Variants in CDH13 observed in about 807,000 individuals in gnomAD.
CDH13 encodes cadherin 13, also known as cadherin-13.
CDH13 carries 24 observed loss-of-function variants against 63.8 expected under a neutral mutation model. The ratio of observed to expected loss-of-function variants is 0.38; its 90% CI spans 0.27 to 0.53. The LOEUF (loss-of-function observed/expected upper bound fraction) is 0.53, where lower values mean the gene tolerates loss of function less well. Ranked by LOEUF, CDH13 falls within the 20% of genes least tolerant of loss-of-function variation. CDH13 has a pLI of 0.85. For missense variants in CDH13, 1,049 were observed against 903.1 expected (o/e 1.16, Z -2.07); for synonymous variants, 503 against 355.3 (o/e 1.42, Z -4.67).
chr16:83,084,444 T>G (rs185887430), intron 3 of CDH13, among the ~76,000 whole-genome samples: 12 of 152,228 alleles, frequency 7.9e-5, no homozygotes, highest in African/African-American at 2.9e-4. Flanking sequence ...AGAGCATCTT[T>G]GTGGAGGAGA....
At chr16:83,190,358 A>T (rs2038660266) in intron 4 of CDH13, among the ~76,000 whole-genome samples, 1 of 152,218 alleles carries the variant, frequency 6.6e-6, no homozygotes, top group Admixed American at 6.5e-5. Context: ...AAACAAATCT[A>T]TAGCTACTGT....
intron 2 of CDH13, among the ~76,000 whole-genome samples, chr16:82,872,581 C>G (rs1057334158): frequency 2.0e-5 from 3 of 152,082 alleles, no homozygotes; most frequent in Non-Finnish European, 4.4e-5. Flanking sequence ...TATTCTGTTA[C>G]AGATCAAATC....
intron 6 of CDH13, among the ~76,000 whole-genome samples, chr16:83,421,166 G>A (rs1214626386): frequency 1.3e-5 from 2 of 151,854 alleles, no homozygotes; most frequent in Non-Finnish European, 2.9e-5. Flanking sequence ...GGAGGAGAAA[G>A]TGGCATAAGT....
At chr16:82,741,948 G>A (rs957847241) in intron 1 of CDH13, among the ~76,000 whole-genome samples, 84 of 152,008 alleles carry the variant, frequency 5.5e-4, no homozygotes, top group African/African-American at 2.0e-3. Context: ...TTTATCAAGT[G>A]GAAATAAAGA....
chr16:83,377,682 T>C (rs944376689), intron 6 of CDH13, among the ~76,000 whole-genome samples: 13 of 152,210 alleles, frequency 8.5e-5, no homozygotes, highest in Non-Finnish European at 1.6e-4. Flanking sequence ...AGCTTCCATT[T>C]CTTCTGCCTG....
chr16:83,097,811 A>G (rs910164611), intron 3 of CDH13, among the ~76,000 whole-genome samples: 2 of 152,202 alleles, frequency 1.3e-5, no homozygotes, highest in African/African-American at 2.4e-5. Context: ...CTCAGCTCCA[A>G]TTTTAGAGAG....
At chr16:83,761,804 C>G (rs915731927) in intron 11 of CDH13, among the ~76,000 whole-genome samples, 3 of 152,186 alleles carry the variant, frequency 2.0e-5, no homozygotes, top group African/African-American at 7.2e-5. Context: ...AAGTGGCTCA[C>G]GCTTGTAATC....
At chr16:83,208,485 A>G (rs1232248726) in intron 4 of CDH13, among the ~76,000 whole-genome samples, 2 of 150,976 alleles carry the variant, frequency 1.3e-5, no homozygotes, top group Non-Finnish European at 3.0e-5. Flanking sequence ...TTTTTTTCCT[A>G]TTTAACGTAG....
intron 6 of CDH13, among the ~76,000 whole-genome samples, chr16:83,464,780 T>A (rs2073267143): frequency 6.6e-6 from 1 of 152,070 alleles, no homozygotes; most frequent in Non-Finnish European, 1.5e-5. Flanking sequence ...AGACGTGAAT[T>A]TGGGGAGGAC....
At chr16:83,027,896 T>C (rs1394481025) in intron 2 of CDH13, among the ~76,000 whole-genome samples, 1 of 152,238 alleles carries the variant, frequency 6.6e-6, no homozygotes, top group African/African-American at 2.4e-5. Context: ...AATTGATGTC[T>C]GTCTTCCACA....
At chr16:83,253,400 G>C (rs72802284) in intron 5 of CDH13, among the ~76,000 whole-genome samples, 2 of 152,154 alleles carry the variant, frequency 1.3e-5, no homozygotes, top group Admixed American at 1.3e-4. Context: ...GTTTCTTAGC[G>C]ATCAGTCATC....
At chr16:83,309,720 C>G (rs1004656421) in intron 5 of CDH13, among the ~76,000 whole-genome samples, 1 of 152,228 alleles carries the variant, frequency 6.6e-6, no homozygotes, top group Admixed American at 6.5e-5. Flanking sequence ...CCTTAGAGCA[C>G]CTGTACTCAG....
chr16:83,754,460 T>C (rs1358477884), intron 11 of CDH13, among the ~76,000 whole-genome samples: 1 of 152,184 alleles, frequency 6.6e-6, no homozygotes, highest in Non-Finnish European at 1.5e-5. Flanking sequence ...CCTTACTAAG[T>C]TGATGAAGCA....
chr16:83,572,855 A>C (rs1055535619), intron 7 of CDH13, among the ~76,000 whole-genome samples: 20 of 152,214 alleles, frequency 1.3e-4, no homozygotes, highest in African/African-American at 4.6e-4. Flanking sequence ...TAAAATTTAA[A>C]TGTGGGAAAG....
At chr16:83,295,579 C>G (rs904852550) in intron 5 of CDH13, among the ~76,000 whole-genome samples, 1 of 151,444 alleles carries the variant, frequency 6.6e-6, no homozygotes, top group East Asian at 1.9e-4. Context: ...TTTTAAAATG[C>G]TCAACATCAC....
intron 6 of CDH13, among the ~76,000 whole-genome samples, chr16:83,351,141 C>T (rs1038390376): frequency 6.6e-6 from 1 of 152,232 alleles, no homozygotes; most frequent in South Asian, 2.1e-4. Context: ...GTTGCAGTAA[C>T]TGTGATGTGG....
At chr16:83,030,671 G>T (rs372612008) in intron 2 of CDH13, among the ~76,000 whole-genome samples, 116 of 129,898 alleles carry the variant, frequency 8.9e-4, no homozygotes, top group African/African-American at 3.2e-3. Context: ...AAAGCACCCT[G>T]TGTGATTCTG....
chr16:83,716,256 C>T lies in CDH13; in HGVS notation c.1539-31852C>T, dbSNP rs534177436. ...TGGGACATTCGTTACAACTAATGAA[C>T]CTACCTTGACACGTCATGATCACCA... On this transcript the variant is annotated intron_variant, in intron 10 of 13. Transcript: ENST00000567109. Among the ~76,000 whole-genome samples, 30 of 152,170 alleles carry T rather than the reference C, an allele frequency of 2.0e-4. No homozygotes were observed. In the South Asian group the frequency reaches 6.2e-3, roughly 32 times the overall value.
chr16:82,767,390 C>G (rs1198427402), intron 1 of CDH13, among the ~76,000 whole-genome samples: 1 of 152,214 alleles, frequency 6.6e-6, no homozygotes, highest in Non-Finnish European at 1.5e-5. Context: ...TAAATAGAAT[C>G]ATGCAGCACA....
Sources: gnomAD v4.1 joint callset for allele counts (sites outside exome capture counted in the v4.1 genomes callset) on GRCh38, gnomAD v4.1.1 for gene constraint, MANE v1.5 for transcripts, NCBI Gene and HGNC (gene_info 2026-07-23, HGNC 2026-07-21) for gene names.